Variants in ATXN7 observed in about 807,000 individuals in gnomAD.
ATXN7 encodes ataxin 7, also known as ataxin-7.
A neutral mutation model predicts 70.5 loss-of-function variants in ATXN7; 12 were observed. The observed-to-expected ratio is 0.17, with a 90% CI of 0.11 to 0.28. ATXN7 has a LOEUF of 0.28. Ranked by LOEUF, ATXN7 falls within the 10% of genes least tolerant of loss-of-function variation. ATXN7 has a pLI of 1.00. For synonymous variants in ATXN7, 498 were observed against 448.7 expected (o/e 1.11, Z -1.39); for missense variants, 1,256 against 1,131.7 (o/e 1.11, Z -1.58).
chr3:63,891,866 T>A (rs1369963952), intron 1 of ATXN7, among the ~76,000 whole-genome samples: 4 of 152,180 alleles, frequency 2.6e-5, no homozygotes, highest in Non-Finnish European at 5.9e-5. Flanking sequence ...GGAGGTAATA[T>A]TTAAAGAGGT....
intron 2 of ATXN7, chr3:63,903,870 A>T (rs2107275760): frequency 6.6e-6 from 1 of 152,324 alleles, no homozygotes; most frequent in East Asian, 1.9e-4. Context: ...AAGATAAGTC[A>T]ATCTGGAATT....
chr3:63,995,726 T>C lies in ATXN7; in HGVS notation c.1904T>C (p.Met635Thr). 1 of 1,614,250 alleles carries C rather than the reference T, an allele frequency of 6.2e-7. No individual in the cohort carries two copies. The highest frequency in any genetic ancestry group is 8.5e-7 in the Non-Finnish European group (1 of 1,180,046). The change falls in exon 12 of 13, where the codon ATG becomes ACG. Residue 635 changes from methionine (M) to threonine (T), a missense_variant. By Grantham distance (81) the Met-to-Thr change is moderately conservative (BLOSUM62 -1). Transcript: ENST00000674280. ...GCACAGCCTGCTGCTTCAGGGGCGA[T>C]GGATCCTGTGTGCAGTATGCAATCC... Reference protein sequence around the residue: ...LNAQPAASGAMDPVCSMQSRQ... With the variant: ...LNAQPAASGATDPVCSMQSRQ...
chr3:63,928,603 C>A (rs1704813035), intron 4 of ATXN7, among the ~76,000 whole-genome samples: 1 of 152,122 alleles, frequency 6.6e-6, no homozygotes, highest in Non-Finnish European at 1.5e-5. Flanking sequence ...TAGTCTGAAA[C>A]AGGTATTTAT....
At chr3:63,966,813 GTGA>G (rs1200279955) in intron 5 of ATXN7, among the ~76,000 whole-genome samples, 1 of 152,164 alleles carries the variant, frequency 6.6e-6, no homozygotes, top group Non-Finnish European at 1.5e-5. Context: ...TCTGTATGGG[GTGA>G]TAGGATTCTG....
chr3:63,906,911 A>G (rs1362148248), intron 2 of ATXN7, among the ~76,000 whole-genome samples: 1 of 152,224 alleles, frequency 6.6e-6, no homozygotes, highest in African/African-American at 2.4e-5. Flanking sequence ...AGGACCTTGA[A>G]TGCTAGGAGA....
chr3:63,951,412 T>G (rs1207568700), intron 4 of ATXN7, among the ~76,000 whole-genome samples: 2 of 152,180 alleles, frequency 1.3e-5, no homozygotes, highest in African/African-American at 4.8e-5. Context: ...TTTTGGATCT[T>G]CCCCCTTGTC....
At chr3:63,866,081 T>C (rs1350826283) in intron 1 of ATXN7, among the ~76,000 whole-genome samples, 1 of 152,192 alleles carries the variant, frequency 6.6e-6, no homozygotes, top group Admixed American at 6.5e-5. Context: ...CGTGAGATAC[T>C]CTCTGAGTTA....
intron 4 of ATXN7, among the ~76,000 whole-genome samples, chr3:63,938,188 C>T (rs1004799832): frequency 1.3e-5 from 2 of 152,060 alleles, no homozygotes; most frequent in Non-Finnish European, 2.9e-5. Context: ...TGACCAGGTT[C>T]CCCGGGAAGG....
At chr3:63,974,237 G>A (rs2075358520) in intron 5 of ATXN7, among the ~76,000 whole-genome samples, 1 of 152,112 alleles carries the variant, frequency 6.6e-6, no homozygotes, top group African/African-American at 2.4e-5. Context: ...AGATGAAATC[G>A]AAAACAATCT....
At chr3:63,932,399 T>A (rs1324320482) in intron 4 of ATXN7, among the ~76,000 whole-genome samples, 1 of 152,122 alleles carries the variant, frequency 6.6e-6, no homozygotes, top group African/African-American at 2.4e-5. Flanking sequence ...GACAAAAAAA[T>A]TTCAGTCCTA....
intron 4 of ATXN7, among the ~76,000 whole-genome samples, chr3:63,945,462 T>C (rs570509184): frequency 6.6e-6 from 1 of 152,346 alleles, no homozygotes; most frequent in South Asian, 2.1e-4. Flanking sequence ...ACTATTGAAC[T>C]TGAACTTCTC....
intron 1 of ATXN7, among the ~76,000 whole-genome samples, chr3:63,874,530 A>G (rs142721883): frequency 8.5e-5 from 13 of 152,320 alleles, no homozygotes; most frequent in African/African-American, 3.1e-4. Context: ...GTATATTCCA[A>G]TCCTTTGAAG....
chr3:63,945,467 C>A (rs1224776039), intron 4 of ATXN7, among the ~76,000 whole-genome samples: 4 of 152,228 alleles, frequency 2.6e-5, no homozygotes, highest in African/African-American at 4.8e-5. Flanking sequence ...TGAACTTGAA[C>A]TTCTCTGTCA....
intron 4 of ATXN7, among the ~76,000 whole-genome samples, chr3:63,937,178 ATAAG>A (rs1559638710): frequency 6.6e-6 from 1 of 152,224 alleles, no homozygotes; most frequent in East Asian, 1.9e-4. Flanking sequence ...ATGGACGTAA[ATAAG>A]GCAGTGTGTC....
intron 9 of ATXN7, 175 bp downstream of exon 9, chr3:63,988,499 C>G: frequency 1.2e-6 from 1 of 840,796 alleles, no homozygotes; most frequent in Non-Finnish European, 1.8e-6. Context: ...CAGTAAGTTT[C>G]AACCAGGGCT....
intron 2 of ATXN7, chr3:63,903,651 A>G (rs1254133497): frequency 6.6e-6 from 1 of 152,194 alleles, no homozygotes; most frequent in Non-Finnish European, 1.5e-5. Context: ...ATATTAATTT[A>G]TTGACTCTTC....
intron 5 of ATXN7, among the ~76,000 whole-genome samples, chr3:63,963,643 A>G (rs1179587460): frequency 6.6e-6 from 1 of 152,158 alleles, no homozygotes; most frequent in Non-Finnish European, 1.5e-5. Flanking sequence ...TTTCTACTCA[A>G]CAATACCTCA....
At chr3:63,868,042 T>G (rs1238768151) in intron 1 of ATXN7, among the ~76,000 whole-genome samples, 1 of 152,212 alleles carries the variant, frequency 6.6e-6, no homozygotes, top group African/African-American at 2.4e-5. Flanking sequence ...GGCTGTGTTT[T>G]TAAAAAATTA....
intron 5 of ATXN7, among the ~76,000 whole-genome samples, chr3:63,979,050 T>G (rs1052019483): frequency 1.3e-5 from 2 of 152,248 alleles, no homozygotes; most frequent in African/African-American, 4.8e-5. Context: ...GCGGATAAAG[T>G]TACCAAATGA....
Sources: allele counts gnomAD v4.1 joint callset (sites outside exome capture counted in the v4.1 genomes callset), GRCh38; gene constraint gnomAD v4.1.1; transcripts MANE v1.5; gene names NCBI Gene and HGNC (gene_info 2026-07-23, HGNC 2026-07-21).